Variants in SH3BP5 observed in about 807,000 individuals in gnomAD.
SH3BP5 encodes SH3 domain binding protein 5, also known as SH3 domain-binding protein 5.
In SH3BP5, 22 loss-of-function variants were observed where a neutral mutation model predicts 43.3. That is an observed-to-expected ratio of 0.51 (90% CI 0.36 to 0.73). SH3BP5 has a LOEUF of 0.73. SH3BP5 is among the 30% of genes least tolerant of loss of function. The pLI is 0.00. For synonymous variants in SH3BP5, 255 were observed against 225.8 expected, an observed-to-expected ratio of 1.13 and a Z score of -1.16; for missense variants, 529 against 586.9, an observed-to-expected ratio of 0.90 and a Z score of 1.02.
intron 1 of SH3BP5, among the ~76,000 whole-genome samples, chr3:15,339,052 G>A (rs1272720457): frequency 6.6e-6 from 1 of 152,136 alleles, no homozygotes; most frequent in Admixed American, 6.5e-5. Flanking sequence ...GAATTTTAAG[G>A]TAGACCATAA....
chr3:15,267,811 TTAAAAA>T (rs1412444953), intron 4 of SH3BP5, among the ~76,000 whole-genome samples: 2 of 152,210 alleles, frequency 1.3e-5, no homozygotes, highest in Non-Finnish European at 2.9e-5. Context: ...GCCCTGGGAC[TTAAAAA>T]TGAGAGATAC....
rs117262457 is a variant in SH3BP5 at position 15,318,402 on chromosome 3, A to G, written c.201+12102T>C. ...GGAAATTAAACCTAGATAAGCTGAT[A>G]TAACTTACCAAGACTGTACGGCACA... On this transcript the variant is annotated intron_variant, in intron 2 of 8. Coordinates refer to ENST00000383791, the MANE Select transcript of SH3BP5 (RefSeq NM_004844.5). 4.2e-3 allele frequency among the ~76,000 whole-genome samples: 640 copies of G among 152,220 alleles called. 32 individuals are homozygous for G. The East Asian group carries it at 0.11, about 27-fold the overall frequency.
At chr3:15,304,043 C>T in intron 3 of SH3BP5, 60 bp downstream of exon 3, 1 of 1,430,596 alleles carries the variant, frequency 7.0e-7, no homozygotes, top group Non-Finnish European at 9.8e-7. Flanking sequence ...TCAAAGGCAC[C>T]CTTAAAACTG....
At chr3:15,330,399 G>C (rs949729923) in intron 2 of SH3BP5, 105 bp downstream of exon 2, 2 of 900,110 alleles carry the variant, frequency 2.2e-6, no homozygotes, top group African/African-American at 3.3e-5. Flanking sequence ...CTCCCAAGGA[G>C]GGGGGTCCAG....
chr3:15,314,945 C>A (rs1256534218), intron 2 of SH3BP5, among the ~76,000 whole-genome samples: 1 of 152,056 alleles, frequency 6.6e-6, no homozygotes, highest in Non-Finnish European at 1.5e-5. Context: ...TACAAGACTC[C>A]CTCTCTTAGG....
upstream of SH3BP5, chr3:15,332,666 G>C: frequency 2.6e-6 from 3 of 1,144,062 alleles, no homozygotes; most frequent in Non-Finnish European, 2.1e-6. Context: ...CCGGCCTCGC[G>C]TTCCGCCGCC....
chr3:15,331,015 TTTTTCTGTA>T (rs3031240), intron 1 of SH3BP5, among the ~76,000 whole-genome samples: 21,650 of 152,198 alleles, frequency 0.14, 1,782 homozygotes, highest in East Asian at 0.32. Flanking sequence ...ACCAGAATTA[TTTTTCTGTA>T]AAGGGTGAAA....
intron 3 of SH3BP5, among the ~76,000 whole-genome samples, chr3:15,281,036 G>A (rs1559437274): frequency 1.3e-5 from 2 of 152,306 alleles, no homozygotes; most frequent in South Asian, 2.1e-4. Context: ...CATGTGTTCT[G>A]TAATTATGCC....
At chr3:15,325,057 C>G (rs973268593) in intron 2 of SH3BP5, among the ~76,000 whole-genome samples, 1 of 148,120 alleles carries the variant, frequency 6.8e-6, no homozygotes, top group Middle Eastern at 3.2e-3. Flanking sequence ...GACCCCTTCA[C>G]AGCCCTGGAA....
intron 2 of SH3BP5, among the ~76,000 whole-genome samples, chr3:15,323,898 A>C (rs910271235): frequency 5.3e-5 from 8 of 152,170 alleles, no homozygotes; most frequent in Admixed American, 5.2e-4. Flanking sequence ...AAGTCACTCT[A>C]CAAGTTTCAA....
chr3:15,328,782 G>A (rs1468933179), intron 2 of SH3BP5, among the ~76,000 whole-genome samples: 1 of 152,156 alleles, frequency 6.6e-6, no homozygotes, highest in Non-Finnish European at 1.5e-5. Flanking sequence ...CTGCCTCTGA[G>A]GCGTCATAGT....
At chr3:15,288,246 G>A (rs1054637467) in intron 3 of SH3BP5, among the ~76,000 whole-genome samples, 15 of 152,162 alleles carry the variant, frequency 9.9e-5, no homozygotes, top group East Asian at 1.9e-4. Flanking sequence ...TGATTTAAAC[G>A]TTAATGTCAT....
intron 3 of SH3BP5, among the ~76,000 whole-genome samples, chr3:15,282,921 T>C (rs546076650): frequency 2.0e-5 from 3 of 152,220 alleles, no homozygotes; most frequent in Non-Finnish European, 2.9e-5. Flanking sequence ...AGAAATTCCA[T>C]AATAAAAAGT....
Position 15,256,322 on chromosome 3 carries a change from T to C in SH3BP5, c.1151-19A>G. The stretch of plus-strand genomic sequence containing the variant: ...CTGTCTCCTATAGAAATACAAGGAT[T>C]ATCAAAAGTGAGTATTGACAATTCT... On this transcript the variant is annotated intron_variant, in intron 8 of 8. Transcript: ENST00000383791. 6.2e-7 allele frequency: 1 copy of C among 1,607,292 alleles called. No homozygotes were observed. Among genetic ancestry groups the C allele is most frequent in the Non-Finnish European group, 8.5e-7 (1 of 1,175,924 alleles).
intron 2 of SH3BP5, among the ~76,000 whole-genome samples, chr3:15,317,943 T>C (rs892606839): frequency 6.6e-6 from 1 of 152,150 alleles, no homozygotes; most frequent in Non-Finnish European, 1.5e-5. Context: ...GCAGCCTCAG[T>C]GGGGGTCTCA....
intron 3 of SH3BP5, among the ~76,000 whole-genome samples, chr3:15,283,714 T>C (rs1434923727): frequency 6.6e-6 from 1 of 152,186 alleles, no homozygotes; most frequent in South Asian, 2.1e-4. Context: ...TGCCCACTTA[T>C]AATTACAAAG....
intron 2 of SH3BP5, 177 bp from the exon 3 acceptor site, chr3:15,304,408 G>A (rs1440461478): frequency 1.9e-5 from 18 of 956,036 alleles, no homozygotes; most frequent in South Asian, 9.7e-5. Context: ...TTCCTGCCAC[G>A]GCGGAAACGT....
intron 2 of SH3BP5, among the ~76,000 whole-genome samples, chr3:15,328,952 G>T (rs532174649): frequency 6.6e-6 from 1 of 152,214 alleles, no homozygotes; most frequent in South Asian, 2.1e-4. Context: ...CGTGGCTATT[G>T]TGACTGAGAA....
intron 3 of SH3BP5, among the ~76,000 whole-genome samples, chr3:15,284,718 G>C (rs1005852194): frequency 2.0e-5 from 3 of 152,212 alleles, no homozygotes; most frequent in African/African-American, 7.2e-5. Context: ...CCATTTAACA[G>C]AGGCAGAGGA....
Sources: allele counts gnomAD v4.1 joint callset (sites outside exome capture counted in the v4.1 genomes callset), GRCh38; gene constraint gnomAD v4.1.1; transcripts MANE v1.5; gene names NCBI Gene and HGNC (gene_info 2026-07-23, HGNC 2026-07-21).